MRTFB: variants seen among roughly 807,000 people sequenced by gnomAD.
MRTFB encodes the protein myocardin-related transcription factor B.
Under a neutral mutation model 104.2 loss-of-function variants are expected in MRTFB, and 29 were observed. That is an observed-to-expected ratio of 0.28 (90% CI 0.21 to 0.38). MRTFB has a LOEUF of 0.38. MRTFB is among the 10% of genes least tolerant of loss of function. The probability of loss-of-function intolerance (pLI) is 1.00; values close to 1 mark genes in which losing one functional copy is unlikely to be tolerated. For synonymous variants in MRTFB, 535 were observed against 519.5 expected, an observed-to-expected ratio of 1.03 and a Z score of -0.41; for missense variants, 1,270 against 1,341.6, an observed-to-expected ratio of 0.95 and a Z score of 0.83.
chr16:14,216,964 A>G (rs1432252406), intron 6 of MRTFB, among the ~76,000 whole-genome samples, 162 bp from the exon 7 acceptor site: 1 of 152,256 alleles, frequency 6.6e-6, no homozygotes, highest in Non-Finnish European at 1.5e-5. Flanking sequence ...TACAAAATGC[A>G]TACTGGAGAA....
chr16:14,229,663 T>TAA (rs2151291974), intron 8 of MRTFB, among the ~76,000 whole-genome samples: 1 of 152,290 alleles, frequency 6.6e-6, no homozygotes, highest in South Asian at 2.1e-4. Flanking sequence ...CTCTGACTTC[T>TAA]GTTTTTTTTA....
chr16:14,047,728 G>A, the MRTFB span, among the ~76,000 whole-genome samples: 1 of 152,080 alleles, frequency 6.6e-6, no homozygotes, highest in Admixed American at 6.5e-5. Flanking sequence ...ACAGTATGGG[G>A]GAACCACCCC....
chr16:14,031,379 G>A, the MRTFB span, among the ~76,000 whole-genome samples: 4 of 150,230 alleles, frequency 2.7e-5, no homozygotes, highest in African/African-American at 9.8e-5. Context: ...GGGCGACAGA[G>A]TGAGGCTGTC....
rs1325037008 is a variant in MRTFB at position 14,235,085 on chromosome 16, C to T, written c.831+802C>T. 2.0e-5 allele frequency among the ~76,000 whole-genome samples: 3 copies of T among 152,272 alleles called. No homozygotes were observed. The East Asian group carries it at 5.8e-4, about 29-fold the overall frequency. ...TGACAAAGCCAGGAAGGGTCCCAAC[C>T]TCCCGAATCCAAGTCTAGCTCTCTC... On this transcript the variant is annotated intron_variant, in intron 9 of 16. Coordinates refer to ENST00000571589, the MANE Select transcript of MRTFB (RefSeq NM_001308142.2).
At chr16:14,215,480 A>T (rs2041377000) in intron 6 of MRTFB, among the ~76,000 whole-genome samples, 2 of 152,242 alleles carry the variant, frequency 1.3e-5, no homozygotes, top group African/African-American at 4.8e-5. Context: ...AGGAACAGAA[A>T]CATAACAAAA....
rs370997167 is a variant in MRTFB, at chr16:14,246,573, G to A, written c.1313G>A (p.Ser438Asn). Residue 438 changes from serine to asparagine, a missense_variant, in exon 12 of 17, where the codon AGC becomes AAC. By Grantham distance (46) the Ser-to-Asn change is conservative (BLOSUM62 1). Coordinates refer to ENST00000571589, the MANE Select transcript of MRTFB (RefSeq NM_001308142.2). ...ERLKPYQEVN[S>N]SGLAAGGIVA... ...CTAAAACCCTACCAGGAAGTGAACA[G>A]CAGCGGCCTTGCTGCTGGGGGCATC... The A allele has an allele frequency of 1.2e-6, 2 of 1,614,062 alleles. No individual in the cohort carries two copies. The highest frequency in any genetic ancestry group is 1.3e-5 in the African/African-American group (1 of 74,918).
At chr16:14,138,815 C>A (rs558592929) in intron 2 of MRTFB, among the ~76,000 whole-genome samples, 11 of 152,136 alleles carry the variant, frequency 7.2e-5, no homozygotes, top group South Asian at 4.1e-4. Context: ...GATGCAAAGG[C>A]AGCTTAATAA....
chr16:14,122,085 G>A (rs1187063942), intron 2 of MRTFB, among the ~76,000 whole-genome samples: 2 of 151,952 alleles, frequency 1.3e-5, no homozygotes, highest in African/African-American at 2.4e-5. Context: ...AGCCTGCCAG[G>A]CTGCCTCCAC....
chr16:14,032,423 T>C, the MRTFB span, among the ~76,000 whole-genome samples: 1 of 152,252 alleles, frequency 6.6e-6, no homozygotes, highest in African/African-American at 2.4e-5. Flanking sequence ...GTTCCCCATA[T>C]CTTGCCCCAT....
chr16:14,222,397 T>C (rs1305875723), intron 8 of MRTFB, among the ~76,000 whole-genome samples: 1 of 152,190 alleles, frequency 6.6e-6, no homozygotes, highest in Non-Finnish European at 1.5e-5. Context: ...TAAACTTTCT[T>C]AAAACATTAT....
chr16:14,120,595 C>G (rs1298173575), intron 2 of MRTFB, among the ~76,000 whole-genome samples: 2 of 152,166 alleles, frequency 1.3e-5, no homozygotes, highest in East Asian at 3.8e-4. Context: ...TATTCAGTTT[C>G]CTTAGTATAC....
the MRTFB span, among the ~76,000 whole-genome samples, chr16:14,012,469 T>C: frequency 0.016 from 2,461 of 151,846 alleles, 58 homozygotes; most frequent in African/African-American, 0.056. Context: ...TGGCTAATTT[T>C]TTGTATTTTT....
the MRTFB span, among the ~76,000 whole-genome samples, chr16:14,017,687 GTA>G: frequency 0.011 from 73 of 6,800 alleles, 3 homozygotes; most frequent in Non-Finnish European, 0.016. Flanking sequence ...GTGTGTGTGT[GTA>G]TATATATATA....
the MRTFB span, among the ~76,000 whole-genome samples, chr16:13,998,307 T>C: frequency 2.5e-4 from 37 of 150,934 alleles, no homozygotes; most frequent in African/African-American, 8.1e-4. Flanking sequence ...ATTTTGGGAG[T>C]AACAGACCTG....
At chr16:14,161,138 A>G (rs115967292) in intron 3 of MRTFB, among the ~76,000 whole-genome samples, 77 of 104,416 alleles carry the variant, frequency 7.4e-4, no homozygotes, top group African/African-American at 2.8e-3. Flanking sequence ...GCCATGATTT[A>G]GTAGGCAGTG....
chr16:14,182,087 ATATAG>A (rs1292221375), intron 3 of MRTFB, among the ~76,000 whole-genome samples: 2 of 152,244 alleles, frequency 1.3e-5, no homozygotes, highest in African/African-American at 2.4e-5. Context: ...GATGTACCAC[ATATAG>A]TAGAGGAACA....
intron 3 of MRTFB, among the ~76,000 whole-genome samples, chr16:14,161,249 G>A (rs1387871991): frequency 2.0e-5 from 3 of 152,122 alleles, no homozygotes; most frequent in East Asian, 1.9e-4. Context: ...TTCCAGATAC[G>A]AAGACCTGTT....
chr16:14,236,302 G>A lies in MRTFB; in HGVS notation c.831+2019G>A, dbSNP rs147042352. Reference sequence around the variant, plus strand: ...GTGGGGGAAAGTGTTTTCTGACATCGAGGTATATACCTTAAGTGCCTGATA... The same window carrying A: ...GTGGGGGAAAGTGTTTTCTGACATCAAGGTATATACCTTAAGTGCCTGATA... On this transcript the variant is annotated intron_variant, in intron 9 of 16. Transcript: ENST00000571589. Among the ~76,000 whole-genome samples the A allele has an allele frequency of 1.1e-3, 175 of 152,306 alleles. 2 individuals are homozygous for A. The highest frequency in any genetic ancestry group is 4.1e-3 in the African/African-American group (172 of 41,572).
At chr16:14,197,377 C>G (rs1404427768) in intron 3 of MRTFB, among the ~76,000 whole-genome samples, 4 of 152,128 alleles carry the variant, frequency 2.6e-5, no homozygotes, top group Non-Finnish European at 5.9e-5. Context: ...CATAGCCCCT[C>G]CTTTTTAGTC....
Sources: allele counts gnomAD v4.1 joint callset (sites outside exome capture counted in the v4.1 genomes callset), GRCh38; gene constraint gnomAD v4.1.1; transcripts MANE v1.5; gene names NCBI Gene and HGNC (gene_info 2026-07-23, HGNC 2026-07-21).